Variants in CSMD1 observed in about 807,000 individuals in gnomAD.
CSMD1 encodes CUB and sushi domain-containing protein 1.
Under a neutral mutation model 417.5 loss-of-function variants are expected in CSMD1, and 213 were observed. The ratio of observed to expected loss-of-function variants is 0.51; its 90% CI spans 0.46 to 0.57. CSMD1 has a LOEUF of 0.57. CSMD1 is among the 20% of genes least tolerant of loss of function. CSMD1 has a pLI of 0.00. For synonymous variants in CSMD1, 2,862 were observed against 1,736.8 expected (o/e 1.65, Z -16.11); for missense variants, 6,923 against 4,529.7 (o/e 1.53, Z -15.17).
At chr8:3,646,267 C>T (rs1047186570) in intron 7 of CSMD1, among the ~76,000 whole-genome samples, 1 of 152,096 alleles carries the variant, frequency 6.6e-6, no homozygotes, top group Non-Finnish European at 1.5e-5. Context: ...GAGATGTTAA[C>T]TGTAATTTTT....
chr8:4,461,077 T>G lies in CSMD1; in HGVS notation c.303-41012A>C, dbSNP rs1022236699. ...ATTATATACTGTGTCCAAGTGCTAT[T>G]TATCTCAGGAATGCAAGATAGGCTT... On this transcript the variant is annotated intron_variant, in intron 2 of 69. Coordinates refer to ENST00000635120, the MANE Select transcript of CSMD1 (RefSeq NM_033225.6). 2.7e-5 allele frequency among the ~76,000 whole-genome samples: 4 copies of G among 150,602 alleles called. No individual in the cohort carries two copies. In the South Asian group the frequency reaches 8.3e-4, roughly 31 times the overall value.
chr8:4,241,859 C>CA (rs1189009462), intron 3 of CSMD1, among the ~76,000 whole-genome samples: 2 of 151,228 alleles, frequency 1.3e-5, no homozygotes, highest in African/African-American at 4.9e-5. Context: ...TTTTTAAGTG[C>CA]AAAAAAAGAG....
chr8:3,073,571 T>C (rs1563308442), intron 49 of CSMD1, among the ~76,000 whole-genome samples: 1 of 152,140 alleles, frequency 6.6e-6, no homozygotes, highest in East Asian at 1.9e-4. Flanking sequence ...TTTAGAAAAA[T>C]AAATCAATTT....
intron 1 of CSMD1, among the ~76,000 whole-genome samples, chr8:4,832,462 T>C (rs928869595): frequency 3.1e-4 from 47 of 152,014 alleles, no homozygotes; most frequent in African/African-American, 1.1e-3. Context: ...AGGGAAAAAA[T>C]TACAAATTGT....
intron 3 of CSMD1, among the ~76,000 whole-genome samples, chr8:4,405,324 A>T (rs537370229): frequency 2.2e-4 from 31 of 144,086 alleles, no homozygotes; most frequent in African/African-American, 8.3e-4. Context: ...TTTTTTTCTC[A>T]TTTTTTTTTT....
chr8:3,599,947 G>C (rs1801282830), intron 8 of CSMD1, among the ~76,000 whole-genome samples: 1 of 152,170 alleles, frequency 6.6e-6, no homozygotes, highest in Non-Finnish European at 1.5e-5. Context: ...TTAAAGCAAA[G>C]TGTCGGTCTC....
intron 6 of CSMD1, among the ~76,000 whole-genome samples, chr8:3,740,101 A>T (rs900224248): frequency 1.3e-5 from 2 of 151,954 alleles, no homozygotes; most frequent in African/African-American, 2.4e-5. Flanking sequence ...ATTTTACAAA[A>T]TTTTATTTTA....
At chr8:4,555,594 T>C (rs1798054202) in intron 2 of CSMD1, among the ~76,000 whole-genome samples, 1 of 152,190 alleles carries the variant, frequency 6.6e-6, no homozygotes, top group African/African-American at 2.4e-5. Context: ...CACTTTGGGT[T>C]TCAGCAGCTT....
At chr8:4,144,987 T>C (rs1028828260) in intron 3 of CSMD1, among the ~76,000 whole-genome samples, 5 of 151,122 alleles carry the variant, frequency 3.3e-5, no homozygotes, top group Non-Finnish European at 5.9e-5. Flanking sequence ...ATTTGTTTCA[T>C]AAAACGTTCT....
chr8:3,490,953 T>C (rs1404529709), intron 11 of CSMD1, among the ~76,000 whole-genome samples: 1 of 152,164 alleles, frequency 6.6e-6, no homozygotes, highest in African/African-American at 2.4e-5. Flanking sequence ...ATCCTTCATG[T>C]TCCACTGAGG....
intron 10 of CSMD1, among the ~76,000 whole-genome samples, chr8:3,573,489 T>C (rs1800025349): frequency 6.6e-6 from 1 of 152,178 alleles, no homozygotes; most frequent in Non-Finnish European, 1.5e-5. Context: ...CAGAAATTCC[T>C]CAGTGTTTCA....
At chr8:3,448,197 G>C (rs1006797594) in intron 12 of CSMD1, among the ~76,000 whole-genome samples, 1 of 149,850 alleles carries the variant, frequency 6.7e-6, no homozygotes, top group African/African-American at 2.5e-5. Context: ...CAAATAAAAA[G>C]CCTGTCTGTG....
chr8:4,753,144 G>A (rs1369256327), intron 1 of CSMD1, among the ~76,000 whole-genome samples: 3 of 152,132 alleles, frequency 2.0e-5, no homozygotes, highest in Admixed American at 6.5e-5. Flanking sequence ...TTAGAAAGCT[G>A]AAGTCACTTG....
At chr8:4,120,708 A>G (rs775174864) in intron 3 of CSMD1, among the ~76,000 whole-genome samples, 3 of 152,192 alleles carry the variant, frequency 2.0e-5, no homozygotes, top group Non-Finnish European at 4.4e-5. Flanking sequence ...CATATTCAGA[A>G]ACACTCCAGG....
intron 49 of CSMD1, among the ~76,000 whole-genome samples, chr8:3,064,876 A>G (rs138884297): frequency 0.011 from 1,718 of 151,424 alleles, 38 homozygotes; most frequent in African/African-American, 0.039. Context: ...TTTCAGAATC[A>G]AGGACCAAAA....
At chr8:4,187,582 A>G (rs1253413456) in intron 3 of CSMD1, among the ~76,000 whole-genome samples, 4 of 149,678 alleles carry the variant, frequency 2.7e-5, no homozygotes, top group African/African-American at 7.4e-5. Context: ...AGGCTAATGT[A>G]GGAGAATCGC....
intron 5 of CSMD1, among the ~76,000 whole-genome samples, chr8:3,850,055 C>T (rs531874110): frequency 1.3e-5 from 2 of 152,282 alleles, no homozygotes; most frequent in Admixed American, 6.5e-5. Context: ...CTCAGCCTCT[C>T]AAAGTGTTGG....
At chr8:4,589,784 T>C (rs910259315) in intron 2 of CSMD1, among the ~76,000 whole-genome samples, 1 of 152,136 alleles carries the variant, frequency 6.6e-6, no homozygotes, top group Non-Finnish European at 1.5e-5. Context: ...TGGGAAAAAA[T>C]ATATATCTTT....
chr8:3,550,679 C>G (rs915579201), intron 10 of CSMD1, among the ~76,000 whole-genome samples: 10 of 152,150 alleles, frequency 6.6e-5, no homozygotes, highest in Admixed American at 3.3e-4. Flanking sequence ...TGCTATGACA[C>G]CTGAAATCTT....
Sources: allele counts gnomAD v4.1 joint callset (sites outside exome capture counted in the v4.1 genomes callset), GRCh38; gene constraint gnomAD v4.1.1; transcripts MANE v1.5; gene names NCBI Gene and HGNC (gene_info 2026-07-23, HGNC 2026-07-21).